EPHB1: variants seen among roughly 807,000 people sequenced by gnomAD.
EPHB1 encodes EPH receptor B1.
EPHB1 carries 30 observed loss-of-function variants against 94.4 expected under a neutral mutation model. That is an observed-to-expected ratio of 0.32 (90% confidence interval 0.24 to 0.43). EPHB1 has a LOEUF of 0.43. Ranked by LOEUF, EPHB1 falls within the 20% of genes least tolerant of loss-of-function variation. EPHB1 has a pLI of 1.00. For synonymous variants in EPHB1, 522 were observed against 489.1 expected (o/e 1.07, Z -0.89); for missense variants, 1,055 against 1,308.3 (o/e 0.81, Z 2.99).
At chr3:134,803,072 G>A (rs1356308449) in intron 1 of EPHB1, among the ~76,000 whole-genome samples, 1 of 152,224 alleles carries the variant, frequency 6.6e-6, no homozygotes, top group Non-Finnish European at 1.5e-5. Flanking sequence ...ACTAGCAGCT[G>A]CTTAAGGAGG....
intron 1 of EPHB1, among the ~76,000 whole-genome samples, chr3:134,847,713 A>G (rs961763238): frequency 1.3e-5 from 2 of 152,184 alleles, no homozygotes; most frequent in Admixed American, 6.5e-5. Flanking sequence ...CGAGGGAGCT[A>G]TTTCCACCTG....
At chr3:134,849,216 G>C (rs4955505) in intron 1 of EPHB1, among the ~76,000 whole-genome samples, 13 of 152,208 alleles carry the variant, frequency 8.5e-5, no homozygotes, top group Admixed American at 8.5e-4. Flanking sequence ...ACAGATTGTT[G>C]CTCTCCACCT....
chr3:135,176,587 G>A (rs1941984898), intron 9 of EPHB1, among the ~76,000 whole-genome samples: 1 of 152,118 alleles, frequency 6.6e-6, no homozygotes, highest in Non-Finnish European at 1.5e-5. Flanking sequence ...ACCTCTCTTC[G>A]TCAGTAAAGT....
At chr3:135,241,023 T>A (rs966028063) in intron 12 of EPHB1, 125 bp from the exon 13 acceptor site, 16 of 1,156,204 alleles carry the variant, frequency 1.4e-5, no homozygotes, top group Non-Finnish European at 2.0e-5. Context: ...AAGAATAGCC[T>A]GTCTGTCATA....
At chr3:135,127,238 G>A (rs776675260) in intron 4 of EPHB1, among the ~76,000 whole-genome samples, 2 of 152,190 alleles carry the variant, frequency 1.3e-5, no homozygotes, top group Non-Finnish European at 2.9e-5. Context: ...AAAATCATGT[G>A]TTGCAACACG....
At chr3:135,255,107 T>G (rs1233176208) in intron 15 of EPHB1, among the ~76,000 whole-genome samples, 1 of 152,120 alleles carries the variant, frequency 6.6e-6, no homozygotes, top group Admixed American at 6.5e-5. Context: ...TCCTCTCTCT[T>G]TTTTTATTAG....
chr3:134,830,756 G>A (rs116501158), intron 1 of EPHB1, among the ~76,000 whole-genome samples: 2,399 of 152,292 alleles, frequency 0.016, 37 homozygotes, highest in South Asian at 0.061. Context: ...CCTCTGCCTG[G>A]CCTTGGGCCG....
intron 1 of EPHB1, among the ~76,000 whole-genome samples, chr3:134,856,717 C>T (rs2037128651): frequency 6.6e-6 from 1 of 152,188 alleles, no homozygotes; most frequent in African/African-American, 2.4e-5. Context: ...CAAGAAATGT[C>T]TTGACAATTT....
intron 1 of EPHB1, among the ~76,000 whole-genome samples, chr3:134,797,736 G>A (rs1306160993): frequency 1.3e-5 from 2 of 152,154 alleles, no homozygotes; most frequent in African/African-American, 4.8e-5. Context: ...ACTTACCCCC[G>A]GTGCGGTGGC....
chr3:135,112,413 T>A (rs2107801745), intron 4 of EPHB1, among the ~76,000 whole-genome samples: 1 of 152,284 alleles, frequency 6.6e-6, no homozygotes, highest in East Asian at 1.9e-4. Flanking sequence ...ATTATTATAC[T>A]TTAAGTTTTA....
intron 9 of EPHB1, among the ~76,000 whole-genome samples, chr3:135,168,939 G>A (rs935413076): frequency 6.6e-5 from 10 of 152,156 alleles, no homozygotes; most frequent in African/African-American, 1.2e-4. Context: ...TTCCAAAAGC[G>A]TGCAAGCCAA....
chr3:135,126,956 C>T (rs1042586527), intron 4 of EPHB1, among the ~76,000 whole-genome samples: 6 of 152,042 alleles, frequency 3.9e-5, no homozygotes, highest in Non-Finnish European at 1.5e-5. Context: ...TGAAGATTCC[C>T]GATAATCCAA....
At chr3:135,007,082 G>T (rs981999000) in intron 3 of EPHB1, among the ~76,000 whole-genome samples, 2 of 152,172 alleles carry the variant, frequency 1.3e-5, no homozygotes, top group South Asian at 2.1e-4. Flanking sequence ...AAGGCTGGCT[G>T]CCTGGGATAT....
intron 1 of EPHB1, among the ~76,000 whole-genome samples, chr3:134,808,335 T>C (rs1398324979): frequency 1.3e-5 from 2 of 152,122 alleles, no homozygotes; most frequent in Non-Finnish European, 2.9e-5. Flanking sequence ...ACCAGGGTGA[T>C]TGAAATACAC....
In EPHB1 at chr3:135,249,481, A is replaced by T. The variant is rs1490824537; in HGVS notation, c.2836A>T (p.Met946Leu). Residue 946 changes from methionine (M) to leucine (L), a missense_variant, in exon 15 of 16, where the codon ATG (methionine) becomes TTG (leucine). Transcript: ENST00000398015. ...GFTSLQLVTQ[M>L]TSEDLLRIGI... ...CACCTCCCTCCAGCTGGTCACCCAG[A>T]TGACATCAGAGTAAGTGATGAGAAT... The T allele has an allele frequency of 1.2e-6, 2 of 1,613,610 alleles. No homozygotes were observed. The highest frequency in any genetic ancestry group is 1.7e-6 in the Non-Finnish European group (2 of 1,179,650).
chr3:135,122,626 C>T (rs1028937672), intron 4 of EPHB1, among the ~76,000 whole-genome samples: 1 of 152,182 alleles, frequency 6.6e-6, no homozygotes, highest in Non-Finnish European at 1.5e-5. Flanking sequence ...AGGGCTTCTG[C>T]AGCCTCAAGG....
chr3:134,965,163 C>A (rs1933683101), intron 3 of EPHB1, among the ~76,000 whole-genome samples: 1 of 152,250 alleles, frequency 6.6e-6, no homozygotes, highest in Admixed American at 6.5e-5. Context: ...CCTTCACCTT[C>A]TTCAGCCCCA....
chr3:134,938,402 G>A (rs533554559), intron 2 of EPHB1, among the ~76,000 whole-genome samples: 135 of 152,362 alleles, frequency 8.9e-4, no homozygotes, highest in Non-Finnish European at 1.4e-3. Context: ...GTGCCCTTCA[G>A]AGCTCGTGCC....
At chr3:135,069,922 A>T (rs749852812) in intron 3 of EPHB1, among the ~76,000 whole-genome samples, 2 of 152,202 alleles carry the variant, frequency 1.3e-5, no homozygotes, top group African/African-American at 2.4e-5. Flanking sequence ...TGTTTGGTCA[A>T]ATAACTGACA....
Sources: allele counts gnomAD v4.1 joint callset (sites outside exome capture counted in the v4.1 genomes callset), GRCh38; gene constraint gnomAD v4.1.1; transcripts MANE v1.5; gene names NCBI Gene and HGNC (gene_info 2026-07-23, HGNC 2026-07-21).